MTCH2: variants seen among roughly 807,000 people sequenced by gnomAD.
MTCH2 encodes mitochondrial carrier homolog 2.
In MTCH2, 25 loss-of-function variants were observed where a neutral mutation model predicts 50.6. The observed-to-expected ratio is 0.49, with a 90% CI of 0.36 to 0.69. The LOEUF (loss-of-function observed/expected upper bound fraction) is 0.69. Ranked by LOEUF, MTCH2 falls within the 30% of genes least tolerant of loss-of-function variation. MTCH2 has a pLI of 0.00. For missense variants in MTCH2, 273 were observed against 384.4 expected (o/e 0.71, Z 2.42); for synonymous variants, 106 against 132.0 (o/e 0.80, Z 1.35).
At chr11:47,621,804 G>A (rs1391014204) in intron 12 of MTCH2, among the ~76,000 whole-genome samples, 1 of 151,924 alleles carries the variant, frequency 6.6e-6, no homozygotes, top group Non-Finnish European at 1.5e-5. Flanking sequence ...GGACTCATGT[G>A]ATCCTCCTGG....
At chr11:47,630,450 AG>A (rs1245161384) in intron 8 of MTCH2, 104 bp downstream of exon 8, 2 of 1,026,798 alleles carry the variant, frequency 1.9e-6, no homozygotes, top group Non-Finnish European at 3.0e-6. Flanking sequence ...AGGTAAGCCC[AG>A]GGAGTACGTT....
intron 10 of MTCH2, 61 bp from the exon 11 acceptor site, chr11:47,625,802 T>C (rs2097297599): frequency 7.1e-7 from 1 of 1,417,244 alleles, no homozygotes; most frequent in East Asian, 2.3e-5. Context: ...TCTCCTTTCC[T>C]TTACCTTAAA....
At chr11:47,628,896 A>G in intron 9 of MTCH2, 57 bp downstream of exon 9, 2 of 1,496,342 alleles carry the variant, frequency 1.3e-6, no homozygotes, top group Non-Finnish European at 1.9e-6. Flanking sequence ...TTTAAAAGCT[A>G]ATCTAGCTGC....
downstream of MTCH2, among the ~76,000 whole-genome samples, chr11:47,614,134 A>C (rs2097287025): frequency 6.6e-6 from 1 of 152,090 alleles, no homozygotes; most frequent in East Asian, 1.9e-4. Context: ...CTACAATTTT[A>C]GCATTTTATA....
In MTCH2 at chr11:47,631,627, A is replaced by G. The variant is rs761871292; in HGVS notation, c.427+27T>C. ...TCAGGAGAGATCAGGTTATAAAAGA[A>G]AGGTCAGTTGTCAACTGCAAACATA... On this transcript the variant is annotated intron_variant, in intron 6 of 12. Transcript: ENST00000302503. 3 of 1,612,756 alleles carry G rather than the reference A, an allele frequency of 1.9e-6. No homozygotes were observed. The African/African-American group carries it at 4.0e-5, about 22-fold the overall frequency.
intron 5 of MTCH2, among the ~76,000 whole-genome samples, chr11:47,632,665 G>T (rs529620916): frequency 1.3e-4 from 19 of 151,066 alleles, no homozygotes; most frequent in African/African-American, 4.6e-4. Flanking sequence ...GCCGGCTTTT[G>T]CATTTAAACA....
chr11:47,630,570 ATGCCCTC>A lies in MTCH2; in HGVS notation c.517_523del (p.Glu173PhefsTer2). On this transcript the variant is annotated frameshift_variant, in exon 8 of 13. Coordinates refer to ENST00000302503, the MANE Select transcript of MTCH2 (RefSeq NM_014342.4). LOFTEE classifies it high-confidence loss of function. Reference sequence around the variant, plus strand: ...ATTTACTCACGCGAAAAATCCTAGAATGCCCTCTTCCCGATAGATGGTTATTATGGAA... The same window carrying A: ...ATTTACTCACGCGAAAAATCCTAGAATTCCCGATAGATGGTTATTATGGAA... The A allele has an allele frequency of 3.7e-6, 6 of 1,612,966 alleles. No homozygotes were observed. Among genetic ancestry groups the A allele is most frequent in the Non-Finnish European group, 5.1e-6 (6 of 1,178,924 alleles).
At chr11:47,624,871 G>A (rs1044544803) in intron 11 of MTCH2, among the ~76,000 whole-genome samples, 4 of 152,138 alleles carry the variant, frequency 2.6e-5, no homozygotes, top group Non-Finnish European at 4.4e-5. Flanking sequence ...GCAGATCACC[G>A]GAGGTCAGGA....
chr11:47,615,078 C>T (rs1365753031), downstream of MTCH2, among the ~76,000 whole-genome samples: 1 of 109,110 alleles, frequency 9.2e-6, no homozygotes, highest in African/African-American at 3.6e-5. Context: ...CAGTTGACAC[C>T]TAGGCTGGAG....
At chr11:47,640,428 T>G (rs1210042064) in intron 1 of MTCH2, among the ~76,000 whole-genome samples, 3 of 152,186 alleles carry the variant, frequency 2.0e-5, no homozygotes, top group Non-Finnish European at 4.4e-5. Context: ...ACTTATTTAT[T>G]TTTTGGAGAC....
rs148401566 is a variant in MTCH2, at chr11:47,621,581, C to T, written c.825+1120G>A. Among the ~76,000 whole-genome samples, 929 of 152,060 alleles carry T rather than the reference C, an allele frequency of 6.1e-3. 9 individuals are homozygous for T. Among genetic ancestry groups the T allele is most frequent in the African/African-American group, 0.021 (890 of 41,490 alleles). ...CCCAGTAGCTGGGACTACAGGCACA[C>T]GCTGCTACGCCCAGCTAATTTCTTT... On this transcript the variant is annotated intron_variant, in intron 12 of 12. Coordinates refer to ENST00000302503, the MANE Select transcript of MTCH2 (RefSeq NM_014342.4).
At chr11:47,640,685 G>A (rs2097313291) in intron 1 of MTCH2, among the ~76,000 whole-genome samples, 1 of 152,076 alleles carries the variant, frequency 6.6e-6, no homozygotes. Context: ...CAAAGTGTTG[G>A]GATTTACAGG....
chr11:47,606,564 A>G, the MTCH2 span, among the ~76,000 whole-genome samples: 5 of 152,186 alleles, frequency 3.3e-5, no homozygotes, highest in Admixed American at 3.3e-4. Context: ...CGATAGCCTA[A>G]TTTATCCCAG....
At chr11:47,630,928 G>A (rs1396787440) in intron 7 of MTCH2, 108 bp downstream of exon 7, 12 of 951,318 alleles carry the variant, frequency 1.3e-5, no homozygotes, top group Admixed American at 8.9e-5. Flanking sequence ...CATCAGATAC[G>A]AATTTGTTCT....
chr11:47,616,491 C>T (rs946330305), downstream of MTCH2, among the ~76,000 whole-genome samples: 1 of 151,852 alleles, frequency 6.6e-6, no homozygotes, highest in Non-Finnish European at 1.5e-5. Flanking sequence ...GTGCGTGCCA[C>T]CATGCCCGAC....
In MTCH2 at chr11:47,625,757, A is replaced by C; in HGVS notation, c.682-16T>G. 2 of 1,569,864 alleles carry C rather than the reference A, an allele frequency of 1.3e-6. No individual in the cohort carries two copies. Among genetic ancestry groups the C allele is most frequent in the Non-Finnish European group, 1.7e-6 (2 of 1,154,688 alleles). ...TCGCAAAAAACTGTAAAATGGAAACAAGGCAGCTGTTATTAGATCATTCCT... is the reference window on the plus strand; with the variant it reads ...TCGCAAAAAACTGTAAAATGGAAACCAGGCAGCTGTTATTAGATCATTCCT... On this transcript the variant is annotated splice_polypyrimidine_tract_variant and intron_variant, in intron 10 of 12. Coordinates refer to ENST00000302503, the MANE Select transcript of MTCH2 (RefSeq NM_014342.4).
chr11:47,619,513 G>A (rs113904593), intron 12 of MTCH2, among the ~76,000 whole-genome samples: 4 of 152,204 alleles, frequency 2.6e-5, no homozygotes, highest in African/African-American at 9.6e-5. Flanking sequence ...GGGATTACGG[G>A]TGTGATCCAC....
At chr11:47,616,337 C>T (rs1257880663), downstream of MTCH2, among the ~76,000 whole-genome samples, 2 of 152,056 alleles carry the variant, frequency 1.3e-5, no homozygotes, top group Admixed American at 6.6e-5. Flanking sequence ...TCACAAGTGG[C>T]TTACTAGAGA....
intron 11 of MTCH2, among the ~76,000 whole-genome samples, chr11:47,624,606 G>A (rs1192305899): frequency 2.6e-5 from 4 of 152,080 alleles, no homozygotes; most frequent in Non-Finnish European, 4.4e-5. Context: ...TTTAAGAACA[G>A]CCTGGGCAAC....
Sources: gnomAD v4.1 joint callset for allele counts (sites outside exome capture counted in the v4.1 genomes callset) on GRCh38, gnomAD v4.1.1 for gene constraint, MANE v1.5 for transcripts, NCBI Gene and HGNC (gene_info 2026-07-23, HGNC 2026-07-21) for gene names.